PCDH15: variants seen among roughly 807,000 people sequenced by gnomAD.
The protein encoded by PCDH15 is protocadherin related 15.
Under a neutral mutation model 178.5 loss-of-function variants are expected in PCDH15, and 129 were observed. The ratio of observed to expected loss-of-function variants is 0.72; its 90% CI spans 0.63 to 0.84. The LOEUF (loss-of-function observed/expected upper bound fraction) is 0.84. PCDH15 is among the 40% of genes least tolerant of loss of function. The pLI, the probability that PCDH15 is intolerant of heterozygous loss-of-function variation, is 0.00. For synonymous variants in PCDH15, 800 were observed against 732.0 expected (o/e 1.09, Z -1.50); for missense variants, 2,230 against 2,099.9 (o/e 1.06, Z -1.21).
chr10:53,815,305 T>G (rs1189620700), intron 35 of PCDH15, among the ~76,000 whole-genome samples: 1 of 152,220 alleles, frequency 6.6e-6, no homozygotes, highest in Non-Finnish European at 1.5e-5. Flanking sequence ...AATTTCTTCC[T>G]GTTACATTCC....
chr10:54,644,817 T>A (rs568860724), intron 2 of PCDH15, among the ~76,000 whole-genome samples: 3 of 152,158 alleles, frequency 2.0e-5, no homozygotes, highest in Non-Finnish European at 4.4e-5. Context: ...GGTGATTATG[T>A]CATGAGGGCT....
At chr10:54,925,455 A>C (rs1591787479) in intron 2 of PCDH15, among the ~76,000 whole-genome samples, 1 of 152,178 alleles carries the variant, frequency 6.6e-6, no homozygotes, top group South Asian at 2.1e-4. Context: ...CATTAATTTT[A>C]AAATAGTTCA....
chr10:53,966,471 T>C (rs1359428233), intron 21 of PCDH15, among the ~76,000 whole-genome samples: 1 of 152,180 alleles, frequency 6.6e-6, no homozygotes, highest in Non-Finnish European at 1.5e-5. Flanking sequence ...CCAAAGTCTT[T>C]TTAAAATAGT....
chr10:54,565,254 T>A (rs1010853461), intron 2 of PCDH15, among the ~76,000 whole-genome samples: 3 of 152,212 alleles, frequency 2.0e-5, no homozygotes, highest in African/African-American at 7.2e-5. Context: ...CAAATTTGCA[T>A]GTTGTCACAT....
At chr10:55,308,975 C>A (rs1047629218) in intron 1 of PCDH15, among the ~76,000 whole-genome samples, 4 of 152,112 alleles carry the variant, frequency 2.6e-5, no homozygotes, top group African/African-American at 7.2e-5. Context: ...CAAAGCAATA[C>A]AGATGGGACC....
At chr10:55,352,148 A>G (rs10825500) in intron 2 of PCDH15, among the ~76,000 whole-genome samples, 83,754 of 151,998 alleles carry the variant, frequency 0.55, 23,623 homozygotes, top group African/African-American at 0.66. Context: ...GTTGAAATTT[A>G]CCATTTGATA....
chr10:55,558,479 A>C (rs1564453603), intron 2 of PCDH15, among the ~76,000 whole-genome samples: 1 of 152,124 alleles, frequency 6.6e-6, no homozygotes, highest in Non-Finnish European at 1.5e-5. Flanking sequence ...CATTAACTCA[A>C]AGAACTCATT....
chr10:55,446,264 G>T (rs1353426471), intron 2 of PCDH15, among the ~76,000 whole-genome samples: 1 of 151,314 alleles, frequency 6.6e-6, no homozygotes, highest in African/African-American at 2.4e-5. Context: ...AAAAAATCAT[G>T]TTTATGAGCA....
At chr10:55,426,231 G>A (rs185806129) in intron 2 of PCDH15, among the ~76,000 whole-genome samples, 3 of 152,198 alleles carry the variant, frequency 2.0e-5, no homozygotes, top group Admixed American at 1.3e-4. Flanking sequence ...CTCTTGGTGG[G>A]ACTCGTGAAG....
At chr10:55,310,942 G>A (rs1259042500) in intron 1 of PCDH15, among the ~76,000 whole-genome samples, 1 of 152,130 alleles carries the variant, frequency 6.6e-6, no homozygotes, top group Non-Finnish European at 1.5e-5. Flanking sequence ...GTTGATGGAT[G>A]CAGAAAATCA....
chr10:55,522,772 A>G (rs1463035649), intron 2 of PCDH15, among the ~76,000 whole-genome samples: 1 of 151,726 alleles, frequency 6.6e-6, no homozygotes, highest in East Asian at 1.9e-4. Context: ...CTTATCCACC[A>G]TTTCTTTTGA....
chr10:55,359,328 C>T (rs1845163504), intron 2 of PCDH15, among the ~76,000 whole-genome samples: 1 of 151,732 alleles, frequency 6.6e-6, no homozygotes, highest in African/African-American at 2.4e-5. Context: ...TAATTATGCT[C>T]CATATTTATC....
At chr10:53,975,221 G>A (rs1269600103) in intron 21 of PCDH15, among the ~76,000 whole-genome samples, 2 of 152,126 alleles carry the variant, frequency 1.3e-5, no homozygotes, top group African/African-American at 4.8e-5. Context: ...CTTAGCTATT[G>A]TGAAAAGTGC....
chr10:54,726,287 A>C (rs1435720678), intron 1 of PCDH15, among the ~76,000 whole-genome samples: 1 of 151,696 alleles, frequency 6.6e-6, no homozygotes, highest in African/African-American at 2.4e-5. Context: ...TTCCTAAGAA[A>C]ATAATTATTA....
chr10:53,992,236 C>T (rs966492748), intron 21 of PCDH15, among the ~76,000 whole-genome samples: 1 of 152,088 alleles, frequency 6.6e-6, no homozygotes, highest in Non-Finnish European at 1.5e-5. Flanking sequence ...AGACCACGAA[C>T]CCACCAGAAG....
chr10:54,061,525 CT>C lies in PCDH15; in HGVS notation c.2220+5231del, dbSNP rs567880221. Among the ~76,000 whole-genome samples the C allele has an allele frequency of 3.9e-3, 577 of 147,800 alleles. 3 individuals carry two copies. The highest frequency in any genetic ancestry group is 0.012 in the African/African-American group (496 of 40,268). On this transcript the variant is annotated intron_variant, in intron 18 of 37. Transcript: ENST00000644397. The stretch of plus-strand genomic sequence containing the variant: ...TTTTTTTGGCTGGTATTTTTATTTC[CT>C]TTTTTTTTTAAATTTCCAACAAAGA...
intron 5 of PCDH15, 59 bp downstream of exon 5, chr10:54,369,061 T>C: frequency 6.5e-7 from 1 of 1,544,112 alleles, no homozygotes; most frequent in Non-Finnish European, 8.9e-7. Flanking sequence ...ACATTTATTG[T>C]ATATAGTTAG....
intron 3 of PCDH15, among the ~76,000 whole-genome samples, chr10:54,823,011 A>C (rs1453125854): frequency 1.3e-5 from 2 of 151,974 alleles, no homozygotes; most frequent in Non-Finnish European, 2.9e-5. Flanking sequence ...CCTCCCGAGT[A>C]GCTGGAATTA....
intron 2 of PCDH15, among the ~76,000 whole-genome samples, chr10:55,154,928 C>T (rs1838841962): frequency 6.6e-6 from 1 of 151,954 alleles, no homozygotes; most frequent in African/African-American, 2.4e-5. Context: ...TAATTCACAC[C>T]CCTGACATAC....
Sources: allele counts gnomAD v4.1 joint callset (sites outside exome capture counted in the v4.1 genomes callset), GRCh38; gene constraint gnomAD v4.1.1; transcripts MANE v1.5; gene names NCBI Gene and HGNC (gene_info 2026-07-23, HGNC 2026-07-21).